Variants in PLD1 observed in about 807,000 individuals in gnomAD.
The protein encoded by PLD1 is choline phosphatase 1.
In PLD1, 112 loss-of-function variants were observed where a neutral mutation model predicts 137.1. The ratio of observed to expected loss-of-function variants is 0.82; its 90% CI spans 0.70 to 0.96. The LOEUF (loss-of-function observed/expected upper bound fraction) is 0.96. Ranked by LOEUF, PLD1 falls within the 40% of genes least tolerant of loss-of-function variation. The pLI is 0.00. For missense variants in PLD1, 1,321 were observed against 1,342.0 expected, an observed-to-expected ratio of 0.98 and a Z score of 0.24; for synonymous variants, 431 against 454.7, an observed-to-expected ratio of 0.95 and a Z score of 0.66.
chr3:171,611,810 T>C (rs965606456), intron 25 of PLD1, among the ~76,000 whole-genome samples: 3 of 152,206 alleles, frequency 2.0e-5, no homozygotes, highest in African/African-American at 7.2e-5. Context: ...AGTATTTAAT[T>C]GGCTCACGTC....
chr3:171,620,742 C>CTCTCTCTCTATATATA (rs1473647659), intron 23 of PLD1, among the ~76,000 whole-genome samples: 2 of 94,784 alleles, frequency 2.1e-5, no homozygotes, highest in South Asian at 4.0e-4. Context: ...CTCTCTCTCT[C>CTCTCTCTCTATATATA]TATATATATA....
At chr3:171,765,189 C>T (rs1394066421) in intron 1 of PLD1, 1 of 152,084 alleles carries the variant, frequency 6.6e-6, no homozygotes, top group African/African-American at 2.4e-5. Flanking sequence ...CTTTAAAGGG[C>T]TTAACTTGAT....
intron 1 of PLD1, chr3:171,793,409 T>C (rs924452534): frequency 6.6e-6 from 1 of 152,238 alleles, no homozygotes; most frequent in Non-Finnish European, 1.5e-5. Context: ...TCTCCATTTA[T>C]CACTTCTTTA....
At chr3:171,775,093 T>A (rs964549644) in intron 1 of PLD1, among the ~76,000 whole-genome samples, 1 of 152,166 alleles carries the variant, frequency 6.6e-6, no homozygotes, top group Non-Finnish European at 1.5e-5. Flanking sequence ...TCAGACAGAA[T>A]TCAGGCTGTT....
intron 13 of PLD1, among the ~76,000 whole-genome samples, chr3:171,691,579 T>C (rs7649966): frequency 0.06 from 9,079 of 152,294 alleles, 850 homozygotes; most frequent in African/African-American, 0.2. Flanking sequence ...TACAAATCTC[T>C]GCTCCTTTAA....
chr3:171,724,920 G>T (rs534230553), intron 7 of PLD1, 132 bp from the exon 8 acceptor site: 2 of 675,658 alleles, frequency 3.0e-6, no homozygotes, highest in Admixed American at 4.2e-5. Flanking sequence ...TCTCCTCCTC[G>T]CTCTCAACTA....
Position 171,710,872 on chromosome 3 carries a change from C to CTTTTTTTTTTTTTTT in PLD1, c.912-1178_912-1164dup, listed in dbSNP as rs774704143. 8.4e-4 allele frequency among the ~76,000 whole-genome samples: 83 copies of CTTTTTTTTTTTTTTT among 98,564 alleles called. 11 individuals carry two copies. Among genetic ancestry groups the CTTTTTTTTTTTTTTT allele is most frequent in the African/African-American group, 3.3e-3 (71 of 21,370 alleles). 64.7% of individuals were successfully genotyped at this position (98,564 alleles called of 152,430 possible). ...TTTCACTAATCATAGGAAAACTGTT[C>CTTTTTTTTTTTTTTT]TTTTTTTTTTTTTTTTTTTGAGACG... is the stretch of plus-strand genomic sequence containing the variant. On this transcript the variant is annotated intron_variant, in intron 9 of 26. Transcript: ENST00000351298.
intron 1 of PLD1, among the ~76,000 whole-genome samples, chr3:171,753,049 CA>C (rs1273715182): frequency 1.3e-5 from 2 of 152,166 alleles, no homozygotes; most frequent in African/African-American, 2.4e-5. Flanking sequence ...AAGCCTGTTT[CA>C]GGGGTGGATT....
intron 12 of PLD1, among the ~76,000 whole-genome samples, chr3:171,696,887 T>A (rs1715743194): frequency 6.6e-6 from 1 of 152,074 alleles, no homozygotes; most frequent in Non-Finnish European, 1.5e-5. Flanking sequence ...AAGAAGTGGA[T>A]GAAATGGAAA....
At chr3:171,788,655 G>C (rs540485244) in intron 1 of PLD1, 1 of 152,268 alleles carries the variant, frequency 6.6e-6, no homozygotes, top group Admixed American at 6.5e-5. Context: ...ACTCATCCAG[G>C]AAAGTACTGT....
At position 171,688,657 on chromosome 3, in the gene PLD1, A is replaced by G; in HGVS notation, c.1539+19T>C. ...TTATGTTCGTGTTATACATTTCCAT[A>G]AAGGTTAAATATACTTACTGGGAGG... On this transcript the variant is annotated intron_variant, in intron 14 of 26. Transcript: ENST00000351298. The G allele has an allele frequency of 6.4e-7, 1 of 1,567,816 alleles. No individual in the cohort carries two copies. Among genetic ancestry groups the G allele is most frequent in the Non-Finnish European group, 8.8e-7 (1 of 1,137,776 alleles).
chr3:171,808,409 G>A (rs191058642), intron 1 of PLD1, among the ~76,000 whole-genome samples: 3 of 152,026 alleles, frequency 2.0e-5, no homozygotes, highest in African/African-American at 7.2e-5. Flanking sequence ...GGCAGCAGGC[G>A]CCTGTTTTCC....
chr3:171,715,301 T>G (rs1283707731), intron 8 of PLD1, among the ~76,000 whole-genome samples: 1 of 152,230 alleles, frequency 6.6e-6, no homozygotes, highest in Non-Finnish European at 1.5e-5. Flanking sequence ...CTCTATTCTG[T>G]TCTACTGGTC....
intron 22 of PLD1, 78 bp downstream of exon 22, chr3:171,644,832 G>T: frequency 4.7e-6 from 4 of 853,448 alleles, no homozygotes; most frequent in Non-Finnish European, 6.1e-6. Flanking sequence ...TGGATGTGGA[G>T]AAACACTGCC....
chr3:171,730,646 C>CTTTTTTTTTTTTTTT (rs35101789), intron 6 of PLD1, among the ~76,000 whole-genome samples: 2 of 134,992 alleles, frequency 1.5e-5, no homozygotes, highest in African/African-American at 2.9e-5. Flanking sequence ...TCTATCTCCA[C>CTTTTTTTTTTTTTTT]TTTTTTTTTT....
chr3:171,777,782 G>A (rs551261654), intron 1 of PLD1, among the ~76,000 whole-genome samples: 1 of 151,970 alleles, frequency 6.6e-6, no homozygotes, highest in Admixed American at 6.5e-5. Context: ...GCATTTTCAG[G>A]TCACCCTGCT....
At chr3:171,691,813 A>G (rs7649974) in intron 13 of PLD1, among the ~76,000 whole-genome samples, 61,654 of 151,966 alleles carry the variant, frequency 0.41, 12,807 homozygotes, top group Non-Finnish European at 0.43. Flanking sequence ...ATGTACCTCA[A>G]TGACTGGGTT....
At chr3:171,800,356 G>C (rs1278668657) in intron 1 of PLD1, among the ~76,000 whole-genome samples, 1 of 151,946 alleles carries the variant, frequency 6.6e-6, no homozygotes, top group Non-Finnish European at 1.5e-5. Context: ...TTACAGGTGT[G>C]CACCACCACA....
intron 25 of PLD1, chr3:171,611,715 G>C: frequency 2.1e-6 from 1 of 482,692 alleles, no homozygotes; most frequent in Middle Eastern, 3.3e-4. Context: ...TTATATCCTT[G>C]TATTACTGGA....
Sources: allele counts gnomAD v4.1 joint callset (sites outside exome capture counted in the v4.1 genomes callset), GRCh38; gene constraint gnomAD v4.1.1; transcripts MANE v1.5; gene names NCBI Gene and HGNC (gene_info 2026-07-23, HGNC 2026-07-21).